ZDHHC24: variants seen among roughly 807,000 people sequenced by gnomAD.
ZDHHC24 encodes probable palmitoyltransferase ZDHHC24.
Under a neutral mutation model 23.2 loss-of-function variants are expected in ZDHHC24, and 17 were observed. The ratio of observed to expected loss-of-function variants is 0.73; its 90% confidence interval spans 0.50 to 1.10. The LOEUF (loss-of-function observed/expected upper bound fraction) is 1.10, where lower values mean the gene tolerates loss of function less well. Among genes scored for constraint, ZDHHC24 ranks in the 50% least tolerant of loss-of-function variants. The pLI, the probability that ZDHHC24 is intolerant of heterozygous loss-of-function variation, is 0.00. For missense variants in ZDHHC24, 366 were observed against 393.0 expected (o/e 0.93, Z 0.58); for synonymous variants, 186 against 194.5 (o/e 0.96, Z 0.36).
chr11:66,531,765 G>T (rs371550398), downstream of ZDHHC24: 7 of 1,613,992 alleles, frequency 4.3e-6, no homozygotes, highest in Admixed American at 3.3e-5. Context: ...CTTGTACCAC[G>T]TGGAAGGTGA....
At position 66,543,797 on chromosome 11, in the gene ZDHHC24, GCA is replaced by G; in HGVS notation, c.464_465del (p.Val155AlafsTer83). 1 of 1,612,948 alleles carries G rather than the reference GCA, an allele frequency of 6.2e-7. No individual in the cohort carries two copies. The highest frequency in any genetic ancestry group is 8.5e-7 in the Non-Finnish European group (1 of 1,179,484). ...AGGGCCGACAGTGCAGGGCCCAGCA[GCA>G]CAGAGACGTGGAGCAGGACGCCGGC... ...HAAGVLLHVS[V>X]LLGPALSALL... On this transcript the variant is annotated frameshift_variant, in exon 2 of 3. Coordinates refer to ENST00000310442, the MANE Select transcript of ZDHHC24 (RefSeq NM_207340.3). LOFTEE classifies it high-confidence loss of function.
At chr11:66,542,305 T>C (rs1857173696) in intron 2 of ZDHHC24, among the ~76,000 whole-genome samples, 1 of 151,950 alleles carries the variant, frequency 6.6e-6, no homozygotes, top group African/African-American at 2.4e-5. Flanking sequence ...TGCCTCTGGC[T>C]CTCAGCAGCC....
chr11:66,534,758 C>T (rs554315033), downstream of ZDHHC24, among the ~76,000 whole-genome samples: 426 of 152,140 alleles, frequency 2.8e-3, 2 homozygotes, highest in African/African-American at 1.0e-2. Flanking sequence ...TGCAGTGGCG[C>T]GGTCTCGGCT....
Position 66,536,630 on chromosome 11 carries a change from G to C in ZDHHC24, c.*2899C>G, listed in dbSNP as rs1025348316. ...CTCATACCTGTAATCCCGGCACTTT[G>C]GGAGGCCGAGGCAGGTGGATCACCT... On this transcript the variant is annotated 3_prime_UTR_variant, in exon 3 of 3. Coordinates refer to ENST00000310442, the MANE Select transcript of ZDHHC24 (RefSeq NM_207340.3). The C allele has an allele frequency of 6.5e-6, 1 of 153,396 alleles. No individual in the cohort carries two copies. Among genetic ancestry groups the C allele is most frequent in the African/African-American group, 2.4e-5 (1 of 41,422 alleles). 9.5% of individuals were successfully genotyped at this position (153,396 alleles called of 1,614,324 possible).
At chr11:66,529,416 A>T (rs778850754) in exon 3 of ZDHHC24, 2 of 1,032,206 alleles carry the variant, frequency 1.9e-6, no homozygotes, top group African/African-American at 3.2e-5. Flanking sequence ...CTGGAGACAC[A>T]TGCACAATAT....
chr11:66,526,898 C>A, intron 4 of ZDHHC24: 1 of 1,611,746 alleles, frequency 6.2e-7, no homozygotes, highest in Non-Finnish European at 8.5e-7. Context: ...TCCCTGTGCA[C>A]TGGGAGGAGA....
intron 3 of ZDHHC24, among the ~76,000 whole-genome samples, chr11:66,528,105 C>T (rs1197807016): frequency 6.6e-6 from 1 of 152,124 alleles, no homozygotes; most frequent in East Asian, 1.9e-4. Flanking sequence ...TGGCACACGC[C>T]TGTAATCTCC....
chr11:66,530,837 A>T, downstream of ZDHHC24: 1 of 1,612,096 alleles, frequency 6.2e-7, no homozygotes, highest in Non-Finnish European at 8.5e-7. Context: ...AGCACACTGT[A>T]CTCCGTGCCC....
chr11:66,543,144 G>A (rs1316718477), intron 2 of ZDHHC24, among the ~76,000 whole-genome samples: 3 of 152,224 alleles, frequency 2.0e-5, no homozygotes, highest in East Asian at 3.9e-4. Flanking sequence ...TGTAGATGGG[G>A]GAAGAGGAAC....
At chr11:66,527,553 C>CAGCT (rs1225633483) in intron 3 of ZDHHC24, 2 of 161,314 alleles carry the variant, frequency 1.2e-5, no homozygotes, top group African/African-American at 4.9e-5. Flanking sequence ...CCTGTAGTCC[C>CAGCT]AGCTACTTGG....
chr11:66,527,892 G>T (rs1191208221), intron 3 of ZDHHC24, among the ~76,000 whole-genome samples: 1 of 152,052 alleles, frequency 6.6e-6, no homozygotes, highest in African/African-American at 2.4e-5. Flanking sequence ...CCCAGACAGG[G>T]CAGGGCAGGG....
downstream of ZDHHC24, chr11:66,533,080 A>G (rs945881183): frequency 6.6e-6 from 1 of 152,220 alleles, no homozygotes; most frequent in Non-Finnish European, 1.5e-5. Flanking sequence ...ATGTAAGTTT[A>G]TATAATGTAA....
In ZDHHC24 at chr11:66,527,085, G is replaced by A. The variant is rs1480118994; in HGVS notation, c.737-79C>T. 24 of 1,465,394 alleles carry A rather than the reference G, an allele frequency of 1.6e-5. 1 individual carries two copies. The highest frequency in any genetic ancestry group is 2.2e-5 in the Non-Finnish European group (24 of 1,084,032). 90.8% of individuals were successfully genotyped at this position (1,465,394 alleles called of 1,614,324 possible). A position where few individuals can be genotyped will look rare whatever the true frequency, so the allele number is the denominator to read the frequency against. On this transcript the variant is annotated intron_variant, in intron 3 of 4. Coordinates refer to the ZDHHC24 transcript ENST00000526986. Reference sequence around the variant, plus strand: ...AAACGCAGGAATTCTCATGAGGAAAGTAGAATTTTGACTGGGCATGGTGGC... The same window carrying A: ...AAACGCAGGAATTCTCATGAGGAAAATAGAATTTTGACTGGGCATGGTGGC...
At chr11:66,531,671 C>G (rs1419343441), downstream of ZDHHC24, 1 of 1,614,138 alleles carries the variant, frequency 6.2e-7, no homozygotes, top group East Asian at 2.2e-5. Flanking sequence ...CTTGCTGGTG[C>G]CAGGGCTCAA....
chr11:66,523,777 C>T (rs759690825), intron 4 of ZDHHC24: 1 of 1,613,372 alleles, frequency 6.2e-7, no homozygotes, highest in South Asian at 1.1e-5. Flanking sequence ...CCATGAACCT[C>T]CTGGAGCAGC....
chr11:66,529,073 A>G, intron 3 of ZDHHC24: 1 of 985,194 alleles, frequency 1.0e-6, no homozygotes, highest in Non-Finnish European at 1.2e-6. Flanking sequence ...AGTACTAGAG[A>G]AAAAGCACAT....
At position 66,526,326 on chromosome 11, in the gene ZDHHC24, C is replaced by T. The variant is rs1565287648; in HGVS notation, c.*21+610G>A. ...TGGAAAGTAAGGCCTACAGAAGTGT[C>T]CTTCTGGAGCTAGGCCTCCACTGGG... On this transcript the variant is annotated intron_variant, in intron 4 of 4. Coordinates refer to the ZDHHC24 transcript ENST00000526986. 4 of 918,708 alleles carry T rather than the reference C, an allele frequency of 4.4e-6. No individual in the cohort carries two copies. In the Admixed American group the frequency reaches 7.0e-5, roughly 16 times the overall value. The allele number at this position is 918,708 out of a possible 1,614,324, so 56.9% of individuals were successfully genotyped here.
rs183936276 is a variant in ZDHHC24, at chr11:66,542,206, A to G, written c.559+1498T>C. ...TGTTGCTGGGAGTAGCAAGCTTACA[A>G]GCAAACGGGAAGGCCAGGCATAGCC... On this transcript the variant is annotated intron_variant, in intron 2 of 2. Coordinates refer to ENST00000310442, the MANE Select transcript of ZDHHC24 (RefSeq NM_207340.3). Among the ~76,000 whole-genome samples the G allele has an allele frequency of 4.2e-3, 641 of 152,152 alleles. 2 individuals carry two copies. Among genetic ancestry groups the G allele is most frequent in the Non-Finnish European group, 7.2e-3 (490 of 67,998 alleles).
downstream of ZDHHC24, chr11:66,531,631 CT>C: frequency 6.8e-6 from 11 of 1,613,868 alleles, no homozygotes; most frequent in Non-Finnish European, 8.5e-6. Context: ...GGCTGGTTTC[CT>C]TACTTCTTTG....
Sources: gnomAD v4.1 joint callset for allele counts (sites outside exome capture counted in the v4.1 genomes callset) on GRCh38, gnomAD v4.1.1 for gene constraint, MANE v1.5 for transcripts, NCBI Gene and HGNC (gene_info 2026-07-23, HGNC 2026-07-21) for gene names.